The following MYZAP variants were observed in gnomAD, a reference collection of about 807,000 sequenced individuals.
The protein encoded by MYZAP is GRINL1A complex locus upstream.
Under a neutral mutation model 69.4 loss-of-function variants are expected in MYZAP, and 66 were observed. That is an observed-to-expected ratio of 0.95 (90% confidence interval 0.78 to 1.17). The LOEUF is 1.17. MYZAP is among the 50% of genes most tolerant of loss of function. The pLI is 0.00. For synonymous variants in MYZAP, 256 were observed against 205.9 expected (o/e 1.24, Z -2.09); for missense variants, 611 against 556.2 (o/e 1.10, Z -0.99).
rs2036648485 is a variant in MYZAP, at chr15:57,633,750, C to T, written c.933+9C>T. On this transcript the variant is annotated intron_variant, in intron 8 of 12. Coordinates refer to ENST00000267853, the MANE Select transcript of MYZAP (RefSeq NM_001018100.5). ...TTGAGCGCATGGAAAAGGTAGGACA[C>T]AGCGTTGGGCCTATTGCCCACTTGC... The T allele has an allele frequency of 1.3e-6, 2 of 1,582,904 alleles. No individual in the cohort carries two copies. Among genetic ancestry groups the T allele is most frequent in the Non-Finnish European group, 1.7e-6 (2 of 1,165,280 alleles).
chr15:57,676,985 C>A (rs2039171133), intron 12 of MYZAP, among the ~76,000 whole-genome samples: 1 of 152,190 alleles, frequency 6.6e-6, no homozygotes, highest in Non-Finnish European at 1.5e-5. Flanking sequence ...AACTACATAT[C>A]CGTGTTTCCG....
chr15:57,662,047 G>A (rs1359464931), intron 11 of MYZAP, among the ~76,000 whole-genome samples: 1 of 152,218 alleles, frequency 6.6e-6, no homozygotes, highest in African/African-American at 2.4e-5. Context: ...TCCTGTCACA[G>A]CGAGTGAAGA....
chr15:57,645,442 GC>G (rs1290822866), intron 10 of MYZAP, among the ~76,000 whole-genome samples: 1 of 152,164 alleles, frequency 6.6e-6, no homozygotes, highest in Non-Finnish European at 1.5e-5. Flanking sequence ...ACAAAAGATG[GC>G]CTAGAAAAAT....
At chr15:57,676,997 A>C (rs568000730) in intron 12 of MYZAP, among the ~76,000 whole-genome samples, 1 of 152,352 alleles carries the variant, frequency 6.6e-6, no homozygotes, top group East Asian at 1.9e-4. Context: ...GTGTTTCCGA[A>C]AAGGCAGAAT....
At chr15:57,601,306 G>A (rs2034401891) in intron 1 of MYZAP, among the ~76,000 whole-genome samples, 1 of 151,046 alleles carries the variant, frequency 6.6e-6, no homozygotes, top group African/African-American at 2.4e-5. Context: ...GTGTGATGTG[G>A]TGCAGGAGAA....
intron 9 of MYZAP, 25 bp downstream of exon 9, chr15:57,637,799 G>A: frequency 6.3e-7 from 1 of 1,590,704 alleles, no homozygotes; most frequent in South Asian, 1.1e-5. Context: ...CTTTCGTCTT[G>A]TAATGGATTT....
At chr15:57,623,453 A>C (rs114335625) in intron 4 of MYZAP, among the ~76,000 whole-genome samples, 3,299 of 152,268 alleles carry the variant, frequency 0.022, 71 homozygotes, top group African/African-American at 0.049. Flanking sequence ...AGGAAAGTGG[A>C]CAGGCACGGT....
chr15:57,596,240 T>C (rs1311492685), intron 1 of MYZAP, among the ~76,000 whole-genome samples: 1 of 152,190 alleles, frequency 6.6e-6, no homozygotes, highest in African/African-American at 2.4e-5. Flanking sequence ...GTCCCTGTTG[T>C]AGTTTACCTA....
At chr15:57,604,772 G>A (rs1289106914) in intron 2 of MYZAP, among the ~76,000 whole-genome samples, 1 of 152,240 alleles carries the variant, frequency 6.6e-6, no homozygotes, top group Non-Finnish European at 1.5e-5. Flanking sequence ...CCGCAGAAGA[G>A]AGGAAAGGCT....
intron 10 of MYZAP, 81 bp from the exon 11 acceptor site, chr15:57,661,369 G>A (rs999387594): frequency 1.0e-6 from 1 of 997,324 alleles, no homozygotes. Flanking sequence ...TGAAAACCAA[G>A]GGCATCTATT....
At chr15:57,614,869 C>A (rs1383625562) in intron 2 of MYZAP, among the ~76,000 whole-genome samples, 2 of 152,154 alleles carry the variant, frequency 1.3e-5, no homozygotes, top group Admixed American at 6.5e-5. Flanking sequence ...ACAGTAGGGT[C>A]ATTGTGAGGA....
At chr15:57,619,977 A>G (rs1025621859) in intron 3 of MYZAP, among the ~76,000 whole-genome samples, 6 of 152,152 alleles carry the variant, frequency 3.9e-5, no homozygotes, top group Admixed American at 6.5e-5. Context: ...CCCTCCTGCC[A>G]TAGGTGGCTT....
At position 57,634,555 on chromosome 15, in the gene MYZAP, A is replaced by G. The variant is rs1403873879; in HGVS notation, c.933+814A>G. Among the ~76,000 whole-genome samples, 5 of 152,330 alleles carry G rather than the reference A, an allele frequency of 3.3e-5. No individual in the cohort carries two copies. The East Asian group carries it at 5.8e-4, about 18-fold the overall frequency. ...TGATGGAGGCAGAGGTGGGGCAGCA[A>G]GAGCAAGGTCACTGTCAGGCTTCAT... On this transcript the variant is annotated intron_variant, in intron 8 of 12. Coordinates refer to ENST00000267853, the MANE Select transcript of MYZAP (RefSeq NM_001018100.5).
chr15:57,649,977 A>G (rs886872187), intron 10 of MYZAP, among the ~76,000 whole-genome samples: 1 of 152,140 alleles, frequency 6.6e-6, no homozygotes, highest in African/African-American at 2.4e-5. Flanking sequence ...ACTTGCATCT[A>G]TTTTGTTTGT....
chr15:57,606,149 C>T (rs185170019), intron 2 of MYZAP, among the ~76,000 whole-genome samples: 17 of 152,218 alleles, frequency 1.1e-4, no homozygotes, highest in Admixed American at 3.3e-4. Flanking sequence ...ATCACCCCAG[C>T]GGATTACTGA....
rs61201214 is a variant in MYZAP, at chr15:57,621,205, CTT to C, written c.319-388_319-387del. Among the ~76,000 whole-genome samples, 18 of 127,300 alleles carry C rather than the reference CTT, an allele frequency of 1.4e-4. No homozygotes were observed. The South Asian group carries it at 1.5e-3, about 11-fold the overall frequency. The allele number at this position is 127,300 out of a possible 152,430, so 83.5% of individuals were successfully genotyped here. A position where few individuals can be genotyped will look rare whatever the true frequency, so the allele number is the denominator to read the frequency against. On this transcript the variant is annotated intron_variant, in intron 3 of 12. Coordinates refer to ENST00000267853, the MANE Select transcript of MYZAP (RefSeq NM_001018100.5). The stretch of plus-strand genomic sequence containing the variant: ...TTATGTGGGGTCCTTCTTTCTTTTT[CTT>C]TTTTTTTTTTTTTTGTTTTTTGAGA...
At chr15:57,681,065 G>A (rs150582718) in intron 12 of MYZAP, among the ~76,000 whole-genome samples, 8 of 152,132 alleles carry the variant, frequency 5.3e-5, no homozygotes, top group Non-Finnish European at 1.2e-4. Context: ...TTAAAAGATC[G>A]GGATATGAGA....
intron 1 of MYZAP, among the ~76,000 whole-genome samples, chr15:57,598,180 T>C (rs933991392): frequency 6.6e-6 from 1 of 152,112 alleles, no homozygotes; most frequent in Non-Finnish European, 1.5e-5. Flanking sequence ...GAGTACCCCG[T>C]AGGTGAGACC....
At chr15:57,593,216 C>CCCCCCCCCCCCCT (rs1487161671) in intron 1 of MYZAP, among the ~76,000 whole-genome samples, 3 of 60,122 alleles carry the variant, frequency 5.0e-5, no homozygotes, top group African/African-American at 2.4e-4. Context: ...ACACACACAC[C>CCCCCCCCCCCCCT]CCAGAATCCA....
Sources: gnomAD v4.1 joint callset for allele counts (sites outside exome capture counted in the v4.1 genomes callset) on GRCh38, gnomAD v4.1.1 for gene constraint, MANE v1.5 for transcripts, NCBI Gene and HGNC (gene_info 2026-07-23, HGNC 2026-07-21) for gene names.